The following FBXW10B variants were observed in gnomAD, a reference collection of about 807,000 sequenced individuals.
FBXW10B encodes F-box and WD repeat domain containing protein 10B.
At chr17:15,593,416 A>G in the FBXW10B span, 450,293 of 1,613,534 alleles carry the variant, frequency 0.28, 65,063 homozygotes, top group African/African-American at 0.45. Flanking sequence ...TTCCCATTGA[A>G]GAAATTGTAA....
chr17:15,619,402 C>G, the FBXW10B span: 2 of 1,613,914 alleles, frequency 1.2e-6, no homozygotes, highest in South Asian at 2.2e-5. Context: ...TAGAGAAGAT[C>G]TTCCAGGCTA....
chr17:15,617,685 C>A, the FBXW10B span, among the ~76,000 whole-genome samples: 678 of 152,242 alleles, frequency 4.5e-3, 8 homozygotes, highest in Middle Eastern at 0.031. Flanking sequence ...CCCTCCCCTT[C>A]TCTTGCTACT....
the FBXW10B span, among the ~76,000 whole-genome samples, chr17:15,618,200 C>T: frequency 6.2e-3 from 941 of 152,218 alleles, 5 homozygotes; most frequent in African/African-American, 0.021. Flanking sequence ...TGGTGGCACG[C>T]ACCTGTAGTC....
the FBXW10B span, among the ~76,000 whole-genome samples, chr17:15,580,702 T>C: frequency 1.3e-4 from 19 of 147,612 alleles, no homozygotes; most frequent in South Asian, 3.3e-3. Flanking sequence ...GATTTTACAA[T>C]TGGAGAGTTC....
At chr17:15,594,470 CAAAAA>C in the FBXW10B span, 4 of 260,936 alleles carry the variant, frequency 1.5e-5, no homozygotes, top group South Asian at 5.1e-5. Flanking sequence ...GACTCTGTCT[CAAAAA>C]AAAAAAAAAA....
chr17:15,606,653 A>T, the FBXW10B span, among the ~76,000 whole-genome samples: 1 of 149,562 alleles, frequency 6.7e-6, no homozygotes, highest in African/African-American at 2.5e-5. Flanking sequence ...GTATATATAT[A>T]TGTGTGTGTA....
At chr17:15,591,392 C>T in the FBXW10B span, among the ~76,000 whole-genome samples, 12 of 152,118 alleles carry the variant, frequency 7.9e-5, no homozygotes, top group East Asian at 3.9e-4. Context: ...TGGGTTCAAG[C>T]GATTCTCGTG....
chr17:15,608,247 G>A, the FBXW10B span, among the ~76,000 whole-genome samples: 19 of 142,298 alleles, frequency 1.3e-4, no homozygotes, highest in African/African-American at 3.9e-4. Flanking sequence ...TGCAACCTCC[G>A]CCCTCCTGGG....
At chr17:15,587,929 A>G in the FBXW10B span, among the ~76,000 whole-genome samples, 2 of 152,206 alleles carry the variant, frequency 1.3e-5, no homozygotes, top group Admixed American at 1.3e-4. Flanking sequence ...TTCTGCTAGG[A>G]GAAGGCAGGC....
the FBXW10B span, chr17:15,598,946 G>C: frequency 8.2e-6 from 3 of 367,042 alleles, no homozygotes; most frequent in African/African-American, 6.3e-5. Context: ...GGAGGCTGAG[G>C]CAGGCGGATC....
chr17:15,601,408 C>CAAAAAAAAA, the FBXW10B span, among the ~76,000 whole-genome samples: 1 of 66,622 alleles, frequency 1.5e-5, no homozygotes, highest in African/African-American at 4.8e-5. Context: ...GACTCCGTCT[C>CAAAAAAAAA]AAAAAAAAAA....
chr17:15,612,741 C>G, the FBXW10B span: 2 of 1,614,094 alleles, frequency 1.2e-6, no homozygotes, highest in Non-Finnish European at 1.7e-6. Flanking sequence ...CACACGCATG[C>G]TCTTCCCGTC....
At chr17:15,614,424 G>A in the FBXW10B span, among the ~76,000 whole-genome samples, 4 of 151,680 alleles carry the variant, frequency 2.6e-5, no homozygotes, top group African/African-American at 9.7e-5. Context: ...TCGATCTCCT[G>A]ACCGTGTGAT....
the FBXW10B span, chr17:15,594,989 C>T: frequency 3.0e-5 from 46 of 1,521,290 alleles, no homozygotes; most frequent in African/African-American, 1.4e-5. Context: ...ACCCCCCAAC[C>T]AATCTGTGAC....
chr17:15,615,557 C>T, the FBXW10B span: 1 of 1,568,578 alleles, frequency 6.4e-7, no homozygotes, highest in Non-Finnish European at 8.7e-7. Flanking sequence ...TCATGATCTG[C>T]TTGCCTCGGC....
the FBXW10B span, among the ~76,000 whole-genome samples, chr17:15,605,043 G>A: frequency 2.6e-5 from 4 of 152,168 alleles, no homozygotes; most frequent in African/African-American, 7.2e-5. Context: ...CAAATGTTAA[G>A]CAATATATAC....
chr17:15,601,834 C>T, the FBXW10B span, among the ~76,000 whole-genome samples: 3 of 152,024 alleles, frequency 2.0e-5, no homozygotes, highest in African/African-American at 7.2e-5. Flanking sequence ...AAAGTGAGGC[C>T]GGGCGCGGTG....
chr17:15,591,005 T>G, the FBXW10B span, among the ~76,000 whole-genome samples: 9 of 151,982 alleles, frequency 5.9e-5, no homozygotes, highest in African/African-American at 2.2e-4. Flanking sequence ...TACAGGAGAC[T>G]GGTATGGGCA....
chr17:15,598,604 G>A, the FBXW10B span: 41 of 1,613,132 alleles, frequency 2.5e-5, no homozygotes, highest in Middle Eastern at 3.3e-4. Flanking sequence ...ATAGTCCCCT[G>A]GTGACCACCG....
Sources: allele counts gnomAD v4.1 joint callset (sites outside exome capture counted in the v4.1 genomes callset), GRCh38; gene constraint gnomAD v4.1.1; transcripts MANE v1.5; gene names NCBI Gene and HGNC (gene_info 2026-07-23, HGNC 2026-07-21).